The following CDH13 variants were observed in gnomAD, a reference collection of about 807,000 sequenced individuals.
The protein encoded by CDH13 is cadherin-13.
A neutral mutation model predicts 63.8 loss-of-function variants in CDH13; 24 were observed. That is an observed-to-expected ratio of 0.38 (90% CI 0.27 to 0.53). CDH13 has a LOEUF of 0.53. Among genes scored for constraint, CDH13 ranks in the 20% least tolerant of loss-of-function variants. The pLI, the probability that CDH13 is intolerant of heterozygous loss-of-function variation, is 0.85. For missense variants in CDH13, 1,049 were observed against 903.1 expected (o/e 1.16, Z -2.07); for synonymous variants, 503 against 355.3 (o/e 1.42, Z -4.67).
intron 7 of CDH13, among the ~76,000 whole-genome samples, chr16:83,594,828 G>A (rs1258620698): frequency 6.6e-6 from 1 of 152,206 alleles, no homozygotes; most frequent in Non-Finnish European, 1.5e-5. Context: ...TCGAGGGTCT[G>A]GTGATGGATT....
intron 1 of CDH13, among the ~76,000 whole-genome samples, chr16:82,797,437 G>T (rs1338166163): frequency 6.6e-6 from 1 of 152,166 alleles, no homozygotes; most frequent in South Asian, 2.1e-4. Context: ...TCCAAGTGCA[G>T]ACTTTGCTAA....
At chr16:83,653,730 T>A (rs1028157912) in intron 8 of CDH13, among the ~76,000 whole-genome samples, 1 of 152,186 alleles carries the variant, frequency 6.6e-6, no homozygotes, top group Non-Finnish European at 1.5e-5. Flanking sequence ...GCTTTATTTT[T>A]CTTCAAATAA....
chr16:83,447,785 A>C (rs1039218556), intron 6 of CDH13, among the ~76,000 whole-genome samples: 6 of 149,826 alleles, frequency 4.0e-5, no homozygotes, highest in African/African-American at 9.7e-5. Context: ...ATTTTTTATA[A>C]TTTATAATGA....
At chr16:82,888,617 A>G (rs1416557105) in intron 2 of CDH13, among the ~76,000 whole-genome samples, 1 of 152,198 alleles carries the variant, frequency 6.6e-6, no homozygotes, top group East Asian at 1.9e-4. Flanking sequence ...TTGGAGGAAG[A>G]TGGCCTTGTA....
chr16:83,018,723 A>G (rs754912082), intron 2 of CDH13, among the ~76,000 whole-genome samples: 2 of 152,236 alleles, frequency 1.3e-5, no homozygotes, highest in Admixed American at 6.5e-5. Context: ...GGTATAGCCT[A>G]TTACACACCT....
At chr16:83,792,018 C>A (rs1489148190) in intron 13 of CDH13, among the ~76,000 whole-genome samples, 1 of 152,222 alleles carries the variant, frequency 6.6e-6, no homozygotes. Flanking sequence ...TTTCCGCAAT[C>A]CAGGCTCTCA....
intron 4 of CDH13, among the ~76,000 whole-genome samples, chr16:83,160,210 G>A (rs1027406955): frequency 1.3e-5 from 2 of 152,162 alleles, no homozygotes; most frequent in Non-Finnish European, 2.9e-5. Context: ...ATGTGTCAAT[G>A]TAGGTTCAAT....
chr16:83,042,023 G>C (rs1352961227), intron 3 of CDH13, among the ~76,000 whole-genome samples: 2 of 152,132 alleles, frequency 1.3e-5, no homozygotes. Flanking sequence ...ATTTGTTACT[G>C]ATGTAAACTG....
intron 6 of CDH13, among the ~76,000 whole-genome samples, chr16:83,427,807 A>T (rs1488189437): frequency 6.6e-6 from 1 of 152,192 alleles, no homozygotes. Context: ...ACAAGAGGCC[A>T]CTTGTAACAA....
intron 5 of CDH13, among the ~76,000 whole-genome samples, chr16:83,344,004 A>G (rs928493741): frequency 2.6e-5 from 4 of 152,208 alleles, no homozygotes; most frequent in African/African-American, 9.7e-5. Context: ...GTCTTGCTCA[A>G]GGTCACACAG....
chr16:83,431,911 G>A lies in CDH13; in HGVS notation c.782-54566G>A, dbSNP rs28421450. ...CCATATCCATCATTACGTGAACTTG[G>A]AATTTTTGCAGTGATACATACGGCC... On this transcript the variant is annotated intron_variant, in intron 6 of 13. Transcript: ENST00000567109. Among the ~76,000 whole-genome samples the A allele has an allele frequency of 9.3e-3, 1,412 of 152,260 alleles. 20 individuals carry two copies. Among genetic ancestry groups the A allele is most frequent in the African/African-American group, 0.032 (1,320 of 41,532 alleles).
chr16:83,477,726 G>T (rs568797787), intron 6 of CDH13, among the ~76,000 whole-genome samples: 8 of 152,112 alleles, frequency 5.3e-5, no homozygotes, highest in Non-Finnish European at 1.0e-4. Context: ...TGCCTTTGGG[G>T]GAAAGAATGG....
At chr16:83,390,746 C>T (rs1453511246) in intron 6 of CDH13, among the ~76,000 whole-genome samples, 3 of 152,168 alleles carry the variant, frequency 2.0e-5, no homozygotes, top group African/African-American at 7.2e-5. Context: ...CTTAGACATG[C>T]ATCAGAATCA....
intron 1 of CDH13, among the ~76,000 whole-genome samples, chr16:82,755,897 G>A (rs534243465): frequency 2.0e-5 from 3 of 152,306 alleles, no homozygotes; most frequent in South Asian, 2.1e-4. Context: ...AAAATATGAA[G>A]AGAGTGATAT....
intron 3 of CDH13, among the ~76,000 whole-genome samples, chr16:83,065,719 A>G (rs2031953874): frequency 1.1e-5 from 1 of 89,972 alleles, no homozygotes; most frequent in Non-Finnish European, 2.0e-5. Flanking sequence ...AAAACAAAAA[A>G]ACAAAAAAAC....
At chr16:83,027,315 A>G (rs1485974512) in intron 2 of CDH13, among the ~76,000 whole-genome samples, 3 of 152,206 alleles carry the variant, frequency 2.0e-5, no homozygotes, top group African/African-American at 7.2e-5. Flanking sequence ...TAATATGGAC[A>G]GATTGATATA....
At chr16:82,949,444 A>G (rs1905074823) in intron 2 of CDH13, among the ~76,000 whole-genome samples, 1 of 152,190 alleles carries the variant, frequency 6.6e-6, no homozygotes, top group African/African-American at 2.4e-5. Flanking sequence ...ATTCCCAAAT[A>G]AGGTCACTTT....
chr16:83,528,957 G>C (rs915508246), intron 7 of CDH13, among the ~76,000 whole-genome samples: 6 of 152,026 alleles, frequency 3.9e-5, no homozygotes, highest in Non-Finnish European at 5.9e-5. Context: ...TTACTAATGG[G>C]GTAGTTATAT....
chr16:83,317,006 G>A (rs1354910410), intron 5 of CDH13, among the ~76,000 whole-genome samples: 3 of 152,176 alleles, frequency 2.0e-5, no homozygotes, highest in African/African-American at 7.2e-5. Context: ...CCTGGGCTTT[G>A]ATGGCCCCCT....
Sources: gnomAD v4.1 joint callset for allele counts (sites outside exome capture counted in the v4.1 genomes callset) on GRCh38, gnomAD v4.1.1 for gene constraint, MANE v1.5 for transcripts, NCBI Gene and HGNC (gene_info 2026-07-23, HGNC 2026-07-21) for gene names.